Variants in DLG2 observed in about 807,000 individuals in gnomAD.
DLG2 encodes disks large homolog 2.
In DLG2, 45 loss-of-function variants were observed where a neutral mutation model predicts 132.5. That is an observed-to-expected ratio of 0.34 (90% CI 0.27 to 0.44). The LOEUF is 0.44. Ranked by LOEUF, DLG2 falls within the 20% of genes least tolerant of loss-of-function variation. The pLI is 1.00. For missense variants in DLG2, 1,045 were observed against 1,196.9 expected (o/e 0.87, Z 1.87); for synonymous variants, 424 against 419.6 (o/e 1.01, Z -0.13).
intron 18 of DLG2, among the ~76,000 whole-genome samples, chr11:83,687,994 G>C (rs1384300113): frequency 1.3e-5 from 2 of 150,258 alleles, no homozygotes; most frequent in African/African-American, 4.9e-5. Flanking sequence ...CTGGGTGACA[G>C]AGCAAGGCCC....
intron 18 of DLG2, among the ~76,000 whole-genome samples, chr11:83,713,340 A>G (rs1368280138): frequency 2.0e-5 from 3 of 152,222 alleles, no homozygotes; most frequent in Admixed American, 2.0e-4. Context: ...AAAAACTTGA[A>G]CTGAGATTTG....
intron 17 of DLG2, among the ~76,000 whole-genome samples, chr11:83,801,299 C>T (rs2044306064): frequency 1.3e-5 from 2 of 152,210 alleles, no homozygotes; most frequent in East Asian, 3.9e-4. Flanking sequence ...GTGGCCCACT[C>T]CTCCCACCCT....
chr11:83,774,613 T>C (rs1373149992), intron 18 of DLG2, among the ~76,000 whole-genome samples: 1 of 152,098 alleles, frequency 6.6e-6, no homozygotes, highest in Non-Finnish European at 1.5e-5. Context: ...AGTAAGGAAA[T>C]TCTTAACTAC....
chr11:84,399,897 T>C (rs1473062123), intron 7 of DLG2, among the ~76,000 whole-genome samples: 1 of 152,252 alleles, frequency 6.6e-6, no homozygotes, highest in Non-Finnish European at 1.5e-5. Context: ...CGTTTGGCTG[T>C]ACGTATGTCT....
intron 3 of DLG2, among the ~76,000 whole-genome samples, chr11:85,519,769 T>C (rs1369820411): frequency 6.6e-6 from 1 of 152,122 alleles, no homozygotes; most frequent in Non-Finnish European, 1.5e-5. Context: ...GGAAGGGGCC[T>C]GGTGGGAGGT....
intron 8 of DLG2, among the ~76,000 whole-genome samples, chr11:84,243,017 C>CTATATATA (rs71465003): frequency 5.5e-4 from 78 of 142,204 alleles, no homozygotes; most frequent in Non-Finnish European, 9.4e-4. Flanking sequence ...CTCTCTCTCT[C>CTATATATA]TATATATATA....
chr11:84,488,621 C>T (rs979867561), intron 7 of DLG2, among the ~76,000 whole-genome samples: 2 of 152,110 alleles, frequency 1.3e-5, no homozygotes, highest in Admixed American at 6.6e-5. Flanking sequence ...ACAGCTTACT[C>T]TGCTTCCCCA....
At chr11:83,669,992 T>C (rs1032756632) in intron 18 of DLG2, among the ~76,000 whole-genome samples, 15 of 152,260 alleles carry the variant, frequency 9.9e-5, no homozygotes, top group African/African-American at 3.1e-4. Context: ...TTTAATCTTA[T>C]AGCTATGCTT....
intron 7 of DLG2, among the ~76,000 whole-genome samples, chr11:84,524,605 C>G (rs983449539): frequency 6.6e-6 from 1 of 152,164 alleles, no homozygotes; most frequent in Non-Finnish European, 1.5e-5. Context: ...CTGTTTCTTC[C>G]TCAAGACTAG....
intron 10 of DLG2, among the ~76,000 whole-genome samples, chr11:84,073,918 G>A (rs2096790260): frequency 6.6e-6 from 1 of 152,128 alleles, no homozygotes; most frequent in South Asian, 2.1e-4. Flanking sequence ...CGTACGCAGG[G>A]AAAATACATA....
chr11:83,525,362 C>T (rs2095581082), intron 21 of DLG2, among the ~76,000 whole-genome samples: 1 of 152,164 alleles, frequency 6.6e-6, no homozygotes, highest in Non-Finnish European at 1.5e-5. Context: ...ATGTGATTAT[C>T]ACATTCAAAA....
At chr11:84,383,927 A>T (rs1009932873) in intron 7 of DLG2, among the ~76,000 whole-genome samples, 2 of 151,942 alleles carry the variant, frequency 1.3e-5, no homozygotes, top group Admixed American at 6.6e-5. Flanking sequence ...GAATGCATTA[A>T]CAGCCCAAGA....
chr11:85,082,355 T>C (rs1026545118), intron 6 of DLG2, among the ~76,000 whole-genome samples: 2 of 152,014 alleles, frequency 1.3e-5, no homozygotes, highest in Non-Finnish European at 2.9e-5. Context: ...CCAACAAAAA[T>C]AGAAGGGGAG....
chr11:84,711,256 T>A (rs2060379312), intron 6 of DLG2, among the ~76,000 whole-genome samples: 1 of 148,276 alleles, frequency 6.7e-6, no homozygotes, highest in Non-Finnish European at 1.5e-5. Context: ...GGCCAATTAG[T>A]GATGACAGAG....
chr11:83,935,581 G>C (rs2081266978), intron 14 of DLG2, among the ~76,000 whole-genome samples: 1 of 152,130 alleles, frequency 6.6e-6, no homozygotes, highest in Admixed American at 6.6e-5. Flanking sequence ...TAGGTGATTT[G>C]TAAGAACCTA....
chr11:84,664,750 T>C (rs1341486978), intron 6 of DLG2, among the ~76,000 whole-genome samples: 1 of 152,164 alleles, frequency 6.6e-6, no homozygotes, highest in Non-Finnish European at 1.5e-5. Flanking sequence ...CTTTATTTTC[T>C]ATCATACTTC....
intron 4 of DLG2, among the ~76,000 whole-genome samples, chr11:85,266,485 G>A (rs939135650): frequency 2.6e-5 from 4 of 152,190 alleles, no homozygotes; most frequent in African/African-American, 4.8e-5. Flanking sequence ...GGGAGGGATA[G>A]CATCAGGAGA....
At chr11:85,467,430 G>T (rs1330110920) in intron 3 of DLG2, among the ~76,000 whole-genome samples, 2 of 152,154 alleles carry the variant, frequency 1.3e-5, no homozygotes, top group Non-Finnish European at 2.9e-5. Context: ...CATTCAGTAT[G>T]ATACTGGCTG....
chr11:84,097,344 C>T (rs2097179281), intron 10 of DLG2, among the ~76,000 whole-genome samples: 1 of 152,144 alleles, frequency 6.6e-6, no homozygotes, highest in Admixed American at 6.5e-5. Flanking sequence ...TTATCCCATA[C>T]CCTTGATAAT....
Sources: allele counts gnomAD v4.1 joint callset (sites outside exome capture counted in the v4.1 genomes callset), GRCh38; gene constraint gnomAD v4.1.1; transcripts MANE v1.5; gene names NCBI Gene and HGNC (gene_info 2026-07-23, HGNC 2026-07-21).